Variants in LIMA1 observed in about 807,000 individuals in gnomAD.
LIMA1 encodes the protein LIM domain and actin-binding protein 1.
A neutral mutation model predicts 62.6 loss-of-function variants in LIMA1; 52 were observed. The observed-to-expected ratio is 0.83, with a 90% CI of 0.67 to 1.05. The LOEUF (loss-of-function observed/expected upper bound fraction) is 1.05, where lower values mean the gene tolerates loss of function less well. Among genes scored for constraint, LIMA1 ranks in the 50% least tolerant of loss-of-function variants. The pLI, the probability that LIMA1 is intolerant of heterozygous loss-of-function variation, is 0.00. For synonymous variants in LIMA1, 302 were observed against 317.8 expected (o/e 0.95, Z 0.53); for missense variants, 780 against 902.2 (o/e 0.86, Z 1.74).
chr12:50,196,063 G>A (rs1004414496), intron 7 of LIMA1, 176 bp from the exon 8 acceptor site: 12 of 573,174 alleles, frequency 2.1e-5, no homozygotes, highest in Non-Finnish European at 3.2e-5. Context: ...GCAGCAAAAT[G>A]TCTTTTATGA....
chr12:50,279,956 T>A (rs1565868044), intron 1 of LIMA1, among the ~76,000 whole-genome samples: 1 of 152,048 alleles, frequency 6.6e-6, no homozygotes, highest in Non-Finnish European at 1.5e-5. Context: ...TTATGGGTAA[T>A]GAAACAAAAA....
chr12:50,222,495 C>G lies in LIMA1; in HGVS notation c.166-10G>C. The G allele has an allele frequency of 6.2e-7, 1 of 1,613,898 alleles. No individual in the cohort carries two copies. Among genetic ancestry groups the G allele is most frequent in the Non-Finnish European group, 8.5e-7 (1 of 1,179,936 alleles). ...AGAGATTTTCGGTGTTCTAGAAGAACAAGAAGTAGATGCCAGTTATAACTT... is the reference window on the plus strand; with the variant it reads ...AGAGATTTTCGGTGTTCTAGAAGAAGAAGAAGTAGATGCCAGTTATAACTT... On this transcript the variant is annotated splice_polypyrimidine_tract_variant and intron_variant, in intron 3 of 10. Transcript: ENST00000341247.
intron 4 of LIMA1, among the ~76,000 whole-genome samples, chr12:50,221,606 C>A (rs1199632568): frequency 6.6e-6 from 1 of 152,158 alleles, no homozygotes; most frequent in Non-Finnish European, 1.5e-5. Flanking sequence ...GACAAGTAAG[C>A]CTCAGTCTTA....
intron 1 of LIMA1, among the ~76,000 whole-genome samples, chr12:50,263,876 T>A (rs1286971972): frequency 4.1e-5 from 5 of 121,536 alleles, no homozygotes; most frequent in African/African-American, 6.3e-5. Context: ...TATATATATA[T>A]AAAGTATATA....
At chr12:50,260,015 A>G (rs1434216675) in intron 1 of LIMA1, among the ~76,000 whole-genome samples, 1 of 152,144 alleles carries the variant, frequency 6.6e-6, no homozygotes, top group African/African-American at 2.4e-5. Context: ...CCAGGAATCA[A>G]TAAAGAGTCA....
At position 50,177,160 on chromosome 12, in the gene LIMA1, A is replaced by C. The variant is rs748244178; in HGVS notation, c.2184T>G (p.Asp728Glu). The part of the protein sequence containing the change: ...EFTTQNQKSQ[D>E]VELWEGEVVK... Reference sequence around the variant, plus strand: ...CCACTTCTCCCTCCCAGAGTTCCACATCCTGGGATTTCTGATTCTGAGTAG... The same window carrying C: ...CCACTTCTCCCTCCCAGAGTTCCACCTCCTGGGATTTCTGATTCTGAGTAG... Residue 728 changes from aspartate to glutamate, a missense_variant, in exon 11 of 11, where the codon GAT becomes GAG. By Grantham distance (45) the Asp-to-Glu change is conservative (BLOSUM62 2). Coordinates refer to ENST00000341247, the MANE Select transcript of LIMA1 (RefSeq NM_016357.5). 1.2e-6 allele frequency: 2 copies of C among 1,613,894 alleles called. No individual in the cohort carries two copies. Among genetic ancestry groups the C allele is most frequent in the Admixed American group, 3.3e-5 (2 of 59,976 alleles).
chr12:50,250,069 A>G (rs1402350868), intron 1 of LIMA1, among the ~76,000 whole-genome samples: 1 of 151,962 alleles, frequency 6.6e-6, no homozygotes, highest in African/African-American at 2.4e-5. Context: ...AGGTGGGTGG[A>G]TCACTTGAGG....
intron 2 of LIMA1, chr12:50,234,110 T>A: frequency 2.1e-6 from 1 of 467,712 alleles, no homozygotes; most frequent in South Asian, 1.6e-5. Flanking sequence ...AAAATTAAAG[T>A]TCTTTTCAAG....
chr12:50,253,266 C>T (rs1037234095), intron 1 of LIMA1, among the ~76,000 whole-genome samples: 13 of 152,076 alleles, frequency 8.5e-5, no homozygotes, highest in African/African-American at 2.7e-4. Context: ...GTTAGAAATC[C>T]GACTCTTGGA....
chr12:50,200,023 A>G (rs1941011102), intron 7 of LIMA1, among the ~76,000 whole-genome samples: 1 of 151,828 alleles, frequency 6.6e-6, no homozygotes, highest in Non-Finnish European at 1.5e-5. Context: ...CCTCCTGAGT[A>G]TCTGGGATTA....
chr12:50,246,994 G>T (rs1374364103), intron 2 of LIMA1, among the ~76,000 whole-genome samples: 2 of 152,118 alleles, frequency 1.3e-5, no homozygotes, highest in African/African-American at 4.8e-5. Context: ...GTCCAGGCCA[G>T]GCACAGTGGT....
Position 50,184,895 on chromosome 12 carries a change from G to A in LIMA1, c.1141-2858C>T, listed in dbSNP as rs371357955. Among the ~76,000 whole-genome samples the A allele has an allele frequency of 5.1e-4, 77 of 152,132 alleles. No individual in the cohort carries two copies. In the East Asian group the frequency reaches 0.013, roughly 26 times the overall value. On this transcript the variant is annotated intron_variant, in intron 9 of 10. Coordinates refer to ENST00000341247, the MANE Select transcript of LIMA1 (RefSeq NM_016357.5). Reference sequence around the variant, plus strand: ...CACCCAGACTGGAGTACAGTGGCGCGATCTCAGCTCACTGCAAGCTCCACC... The same window carrying A: ...CACCCAGACTGGAGTACAGTGGCGCAATCTCAGCTCACTGCAAGCTCCACC...
At chr12:50,182,370 T>C (rs1280520800) in intron 9 of LIMA1, among the ~76,000 whole-genome samples, 1 of 148,852 alleles carries the variant, frequency 6.7e-6, no homozygotes, top group Non-Finnish European at 1.5e-5. Context: ...GGGGGGGGAG[T>C]GCAGGGATTA....
intron 1 of LIMA1, among the ~76,000 whole-genome samples, chr12:50,280,979 A>C (rs979125476): frequency 6.6e-6 from 1 of 152,228 alleles, no homozygotes; most frequent in African/African-American, 2.4e-5. Context: ...ACATTTTCCT[A>C]TCTGCAGAAA....
At chr12:50,187,125 C>A (rs553505346) in intron 9 of LIMA1, 1 of 152,246 alleles carries the variant, frequency 6.6e-6, no homozygotes, top group East Asian at 1.9e-4. Flanking sequence ...ATATTACAGA[C>A]CCTCTGTTGA....
At chr12:50,235,373 G>A (rs905863366) in intron 2 of LIMA1, among the ~76,000 whole-genome samples, 7 of 150,562 alleles carry the variant, frequency 4.6e-5, no homozygotes, top group Non-Finnish European at 1.0e-4. Flanking sequence ...CTGTCTCCCG[G>A]GTTCAAGTGA....
intron 6 of LIMA1, chr12:50,204,295 G>C (rs182169649): frequency 6.5e-4 from 233 of 357,936 alleles, no homozygotes; most frequent in African/African-American, 4.5e-3. Context: ...AAGAGCCAGG[G>C]AAACTCTCAA....
intron 4 of LIMA1, among the ~76,000 whole-genome samples, chr12:50,212,850 T>C (rs1941281638): frequency 6.6e-6 from 1 of 152,214 alleles, no homozygotes. Flanking sequence ...AGTCTTGCTC[T>C]GTCGCCCAGG....
At chr12:50,185,233 A>G (rs1940603663) in intron 9 of LIMA1, among the ~76,000 whole-genome samples, 1 of 152,180 alleles carries the variant, frequency 6.6e-6, no homozygotes, top group Non-Finnish European at 1.5e-5. Flanking sequence ...ATGGGATAAG[A>G]GGAGATGGAT....
Sources: allele counts gnomAD v4.1 joint callset (sites outside exome capture counted in the v4.1 genomes callset), GRCh38; gene constraint gnomAD v4.1.1; transcripts MANE v1.5; gene names NCBI Gene and HGNC (gene_info 2026-07-23, HGNC 2026-07-21).